DSCAM: variants seen among roughly 807,000 people sequenced by gnomAD.
The protein encoded by DSCAM is DS cell adhesion molecule.
A neutral mutation model predicts 217.7 loss-of-function variants in DSCAM; 47 were observed. The observed-to-expected ratio is 0.22, with a 90% CI of 0.17 to 0.28. The LOEUF is 0.28. Ranked by LOEUF, DSCAM falls within the 10% of genes least tolerant of loss-of-function variation. DSCAM has a pLI of 1.00. For synonymous variants in DSCAM, 1,056 were observed against 1,015.3 expected (o/e 1.04, Z -0.76); for missense variants, 2,080 against 2,618.3 (o/e 0.79, Z 4.49).
chr21:40,510,262 G>A (rs925625733), intron 3 of DSCAM, among the ~76,000 whole-genome samples: 4 of 152,008 alleles, frequency 2.6e-5, no homozygotes, highest in African/African-American at 4.8e-5. Flanking sequence ...CTAAAAAAAA[G>A]ACTATGAAAT....
intron 3 of DSCAM, among the ~76,000 whole-genome samples, chr21:40,612,238 T>C (rs760052380): frequency 5.3e-5 from 8 of 152,192 alleles, no homozygotes; most frequent in Non-Finnish European, 1.0e-4. Flanking sequence ...TTCCCCTCTC[T>C]CTTTGAATTC....
chr21:40,516,565 G>A (rs1301484693), intron 3 of DSCAM, among the ~76,000 whole-genome samples: 3 of 152,116 alleles, frequency 2.0e-5, no homozygotes, highest in African/African-American at 7.2e-5. Flanking sequence ...AACACACAGA[G>A]CCTTGAGGAG....
intron 18 of DSCAM, among the ~76,000 whole-genome samples, chr21:40,137,640 CACACAT>C (rs201734963): frequency 0.098 from 10,935 of 111,490 alleles, 470 homozygotes; most frequent in East Asian, 0.13. Flanking sequence ...CACACACACA[CACACAT>C]TAACTGAAGT....
chr21:40,032,398 A>T (rs991245965), intron 32 of DSCAM, among the ~76,000 whole-genome samples: 1 of 152,078 alleles, frequency 6.6e-6, no homozygotes, highest in Non-Finnish European at 1.5e-5. Flanking sequence ...GTAGTTTTTA[A>T]AGTTCACCAG....
At chr21:40,613,862 G>T (rs373974283) in intron 3 of DSCAM, among the ~76,000 whole-genome samples, 18 of 151,814 alleles carry the variant, frequency 1.2e-4, no homozygotes, top group African/African-American at 4.1e-4. Flanking sequence ...CCCATTTGCT[G>T]ATTGCTTGTC....
chr21:40,155,328 T>C (rs901758539), intron 16 of DSCAM, among the ~76,000 whole-genome samples: 1 of 152,174 alleles, frequency 6.6e-6, no homozygotes, highest in Non-Finnish European at 1.5e-5. Flanking sequence ...GGGTGCACTC[T>C]GATGCAAAAG....
In DSCAM at chr21:40,012,758, T is replaced by G; in HGVS notation, c.*276A>C. The G allele has an allele frequency of 4.4e-6, 1 of 227,450 alleles. No homozygotes were observed. The highest frequency in any genetic ancestry group is 8.4e-6 in the Non-Finnish European group (1 of 118,734). 14.1% of individuals were successfully genotyped at this position (227,450 alleles called of 1,614,324 possible). A position where few individuals can be genotyped will look rare whatever the true frequency, so the allele number is the denominator to read the frequency against. ...AATTAATCCCCCCCATGCACTTTTG[T>G]AGAAAATCAGTAAAAATGCAATAGC... On this transcript the variant is annotated 3_prime_UTR_variant, in exon 33 of 33. Coordinates refer to ENST00000400454, the MANE Select transcript of DSCAM (RefSeq NM_001389.5).
At chr21:40,517,985 A>G (rs1312771564) in intron 3 of DSCAM, among the ~76,000 whole-genome samples, 1 of 151,948 alleles carries the variant, frequency 6.6e-6, no homozygotes, top group African/African-American at 2.4e-5. Context: ...TCTGGGTCCC[A>G]TGCTTTTCTG....
At chr21:40,149,586 C>T (rs1440477407) in intron 16 of DSCAM, among the ~76,000 whole-genome samples, 3 of 140,146 alleles carry the variant, frequency 2.1e-5, no homozygotes, top group South Asian at 2.5e-4. Flanking sequence ...AACACCAACA[C>T]CACTGTCACC....
At chr21:40,815,230 G>T (rs2091870404) in intron 1 of DSCAM, among the ~76,000 whole-genome samples, 1 of 151,914 alleles carries the variant, frequency 6.6e-6, no homozygotes, top group South Asian at 2.1e-4. Flanking sequence ...CCTATCACTT[G>T]GTCATTTTCT....
rs568662154 is a variant in DSCAM at position 40,694,810 on chromosome 21, GCATAAGTAAA to G, written c.362-1864_362-1855del. Among the ~76,000 whole-genome samples the G allele has an allele frequency of 1.2e-3, 187 of 151,932 alleles. 1 individual carries two copies. The highest frequency in any genetic ancestry group is 4.2e-3 in the African/African-American group (172 of 41,410). On this transcript the variant is annotated intron_variant, in intron 2 of 32. Transcript: ENST00000400454. The stretch of plus-strand genomic sequence containing the variant: ...ACTGACTTTGTACAGAAAGGCTCCT[GCATAAGTAAA>G]CCTTTGCTGGGAGCTGAGGTCTACG...
chr21:40,637,986 C>A (rs2089829533), intron 3 of DSCAM, among the ~76,000 whole-genome samples: 1 of 151,918 alleles, frequency 6.6e-6, no homozygotes, highest in Non-Finnish European at 1.5e-5. Flanking sequence ...GCCCGGCCCC[C>A]ATTTTATATT....
intron 16 of DSCAM, among the ~76,000 whole-genome samples, chr21:40,160,838 C>A (rs2090532817): frequency 6.6e-6 from 1 of 152,182 alleles, no homozygotes; most frequent in Non-Finnish European, 1.5e-5. Flanking sequence ...TTGTGTTCAT[C>A]CAGACTCAAC....
At chr21:40,536,553 C>A (rs572503209) in intron 3 of DSCAM, among the ~76,000 whole-genome samples, 1 of 152,084 alleles carries the variant, frequency 6.6e-6, no homozygotes, top group Admixed American at 6.5e-5. Flanking sequence ...AGGCGCCCAC[C>A]ACCACGCCTG....
intron 3 of DSCAM, among the ~76,000 whole-genome samples, chr21:40,656,809 T>C (rs1200012137): frequency 6.6e-6 from 1 of 152,182 alleles, no homozygotes; most frequent in Non-Finnish European, 1.5e-5. Context: ...ATCAAGAGAA[T>C]CAGCTCAGTT....
intron 1 of DSCAM, among the ~76,000 whole-genome samples, chr21:40,816,503 G>T (rs923028958): frequency 6.6e-6 from 1 of 152,192 alleles, no homozygotes; most frequent in African/African-American, 2.4e-5. Context: ...TTGAACTCAG[G>T]AGGCAGAGCT....
intron 1 of DSCAM, among the ~76,000 whole-genome samples, chr21:40,768,888 A>G (rs954931513): frequency 6.6e-6 from 1 of 152,204 alleles, no homozygotes; most frequent in African/African-American, 2.4e-5. Flanking sequence ...AAAACAAGGC[A>G]TTTTCTTTGA....
chr21:40,486,500 AGAGAG>A (rs950938583), intron 3 of DSCAM, among the ~76,000 whole-genome samples: 7 of 148,854 alleles, frequency 4.7e-5, no homozygotes, highest in African/African-American at 7.4e-5. Context: ...AAAGGGAAGG[AGAGAG>A]GAGAGGAGAG....
chr21:40,287,907 A>T (rs1373520576), intron 10 of DSCAM, among the ~76,000 whole-genome samples: 1 of 152,126 alleles, frequency 6.6e-6, no homozygotes, highest in Non-Finnish European at 1.5e-5. Context: ...GCCTCCAGGG[A>T]AATATGGAAT....
Sources: gnomAD v4.1 joint callset for allele counts (sites outside exome capture counted in the v4.1 genomes callset) on GRCh38, gnomAD v4.1.1 for gene constraint, MANE v1.5 for transcripts, NCBI Gene and HGNC (gene_info 2026-07-23, HGNC 2026-07-21) for gene names.